The following TMCO4 variants were observed in gnomAD, a reference collection of about 807,000 sequenced individuals.
TMCO4 encodes transmembrane and coiled-coil domain-containing protein 4.
Under a neutral mutation model 64.7 loss-of-function variants are expected in TMCO4, and 58 were observed. The observed-to-expected ratio is 0.90, with a 90% CI of 0.73 to 1.12. TMCO4 has a LOEUF of 1.12. Among genes scored for constraint, TMCO4 ranks in the 50% most tolerant of loss-of-function variants. TMCO4 has a pLI of 0.00. For synonymous variants in TMCO4, 325 were observed against 346.1 expected (o/e 0.94, Z 0.68); for missense variants, 780 against 825.9 (o/e 0.94, Z 0.68).
intron 2 of TMCO4, among the ~76,000 whole-genome samples, chr1:19,797,598 C>T (rs912370754): frequency 7.2e-5 from 11 of 151,920 alleles, no homozygotes; most frequent in South Asian, 2.1e-4. Flanking sequence ...AGGCCAGGCG[C>T]GGTGGCTCAC....
intron 15 of TMCO4, among the ~76,000 whole-genome samples, chr1:19,690,375 C>G (rs1394056357): frequency 6.6e-6 from 1 of 152,238 alleles, no homozygotes; most frequent in Non-Finnish European, 1.5e-5. Context: ...GGAACTAAAA[C>G]AGCTAATTAG....
chr1:19,744,179 C>A (rs2041661090), intron 10 of TMCO4, among the ~76,000 whole-genome samples: 2 of 146,030 alleles, frequency 1.4e-5, no homozygotes, highest in East Asian at 4.3e-4. Flanking sequence ...CCCGCACCCA[C>A]CCTGCTCTTT....
At chr1:19,772,581 C>T (rs1210376272) in intron 4 of TMCO4, among the ~76,000 whole-genome samples, 1 of 152,120 alleles carries the variant, frequency 6.6e-6, no homozygotes, top group East Asian at 1.9e-4. Flanking sequence ...AGGTGTGAGC[C>T]GGGTGGCAGG....
At chr1:19,781,137 T>C in intron 3 of TMCO4, among the ~76,000 whole-genome samples, 2 of 117,932 alleles carry the variant, frequency 1.7e-5, no homozygotes, top group African/African-American at 3.3e-5. Context: ...AGAGCGAGAC[T>C]CCATCTCAAA....
intron 14 of TMCO4, among the ~76,000 whole-genome samples, chr1:19,697,664 T>C (rs941323515): frequency 6.6e-6 from 1 of 150,596 alleles, no homozygotes; most frequent in Non-Finnish European, 1.5e-5. Context: ...AGTTGCATGA[T>C]CTTGGCTCAT....
At chr1:19,692,963 G>A (rs554665434) in intron 15 of TMCO4, among the ~76,000 whole-genome samples, 1 of 151,250 alleles carries the variant, frequency 6.6e-6, no homozygotes, top group African/African-American at 2.4e-5. Flanking sequence ...CTTGAGCTCA[G>A]GGGTTCAAAA....
intron 3 of TMCO4, among the ~76,000 whole-genome samples, chr1:19,783,539 T>C (rs1270575661): frequency 6.6e-6 from 1 of 152,194 alleles, no homozygotes; most frequent in Non-Finnish European, 1.5e-5. Context: ...CTGAGGTAGT[T>C]CAAAGCAACA....
intron 15 of TMCO4, among the ~76,000 whole-genome samples, chr1:19,691,707 C>T (rs961086256): frequency 6.6e-6 from 1 of 152,188 alleles, no homozygotes; most frequent in Non-Finnish European, 1.5e-5. Context: ...AGTCTGTCTG[C>T]AGGAAGCAGC....
chr1:19,690,021 T>C (rs2095179660), intron 15 of TMCO4, among the ~76,000 whole-genome samples: 2 of 152,248 alleles, frequency 1.3e-5, no homozygotes, highest in Non-Finnish European at 1.5e-5. Context: ...CTGTTCCTGT[T>C]TGCCCACACT....
chr1:19,697,699 A>C (rs1307605719), intron 14 of TMCO4, among the ~76,000 whole-genome samples: 4 of 151,264 alleles, frequency 2.6e-5, no homozygotes, highest in Non-Finnish European at 5.9e-5. Context: ...CCTGGGCTCA[A>C]GCCATCCTCC....
Position 19,740,888 on chromosome 1 carries a change from G to C in TMCO4, c.931C>G (p.Leu311Val). The change falls in exon 11 of 16, where the codon CTG (leucine) becomes GTG (valine). Residue 311 changes from leucine to valine, a missense_variant. Physicochemically the swap from Leu to Val is conservative, Grantham distance 32 (BLOSUM62 1). Transcript: ENST00000294543. ...ATCAGGTACTTGGCTTCCCAGGCCAGGCAGTACTGCTCACGGCTGTGGGCC... is the reference window on the plus strand; with the variant it reads ...ATCAGGTACTTGGCTTCCCAGGCCACGCAGTACTGCTCACGGCTGTGGGCC... Reference protein sequence around the residue: ...ALAHSREQYCLAWEAKYLMEL... With the variant: ...ALAHSREQYCVAWEAKYLMEL... The C allele has an allele frequency of 6.2e-7, 1 of 1,614,086 alleles. No homozygotes were observed. Among genetic ancestry groups the C allele is most frequent in the Non-Finnish European group, 8.5e-7 (1 of 1,180,008 alleles).
intron 13 of TMCO4, among the ~76,000 whole-genome samples, chr1:19,725,920 TGAG>T (rs1310321549): frequency 1.3e-5 from 2 of 152,228 alleles, no homozygotes; most frequent in Non-Finnish European, 2.9e-5. Context: ...CCTTGGGGGC[TGAG>T]GAGTCCACTT....
intron 14 of TMCO4, among the ~76,000 whole-genome samples, chr1:19,696,375 C>A (rs1267561387): frequency 6.6e-6 from 1 of 151,846 alleles, no homozygotes; most frequent in Non-Finnish European, 1.5e-5. Flanking sequence ...CACAGGGAGA[C>A]CCCATCTCTA....
intron 2 of TMCO4, among the ~76,000 whole-genome samples, chr1:19,789,067 T>G (rs1157533793): frequency 1.4e-5 from 2 of 145,926 alleles, no homozygotes; most frequent in Non-Finnish European, 3.0e-5. Flanking sequence ...AGAGTGAGAC[T>G]CTGTCTCACA....
At chr1:19,790,929 T>C (rs927128568) in intron 2 of TMCO4, among the ~76,000 whole-genome samples, 19 of 152,092 alleles carry the variant, frequency 1.2e-4, no homozygotes, top group East Asian at 3.8e-4. Context: ...TGATGATAGA[T>C]TGGATAAAGA....
chr1:19,780,823 A>C (rs1027423799), intron 3 of TMCO4, 57 bp from the exon 4 acceptor site: 1 of 1,385,864 alleles, frequency 7.2e-7, no homozygotes, highest in African/African-American at 1.5e-5. Flanking sequence ...AGGTTACTTA[A>C]GCATGACACA....
chr1:19,714,881 C>A (rs1295302331), intron 13 of TMCO4, among the ~76,000 whole-genome samples: 1 of 152,006 alleles, frequency 6.6e-6, no homozygotes, highest in Admixed American at 6.6e-5. Flanking sequence ...CCAGATCGCG[C>A]CACTGCACTC....
intron 13 of TMCO4, among the ~76,000 whole-genome samples, chr1:19,712,802 G>A (rs959464710): frequency 6.6e-6 from 1 of 152,176 alleles, no homozygotes; most frequent in East Asian, 1.9e-4. Context: ...ATTGGCGTGT[G>A]ACAAACCATC....
intron 12 of TMCO4, among the ~76,000 whole-genome samples, chr1:19,738,827 A>G (rs1290307526): frequency 1.3e-5 from 2 of 152,230 alleles, no homozygotes; most frequent in Non-Finnish European, 2.9e-5. Context: ...ATCACTCAGA[A>G]TAAATACTAT....
Sources: gnomAD v4.1 joint callset for allele counts (sites outside exome capture counted in the v4.1 genomes callset) on GRCh38, gnomAD v4.1.1 for gene constraint, MANE v1.5 for transcripts, NCBI Gene and HGNC (gene_info 2026-07-23, HGNC 2026-07-21) for gene names.